The following COX10 variants were observed in gnomAD, a reference collection of about 807,000 sequenced individuals.
The protein encoded by COX10 is protoheme IX farnesyltransferase, mitochondrial.
In COX10, 27 loss-of-function variants were observed where a neutral mutation model predicts 37.3. The ratio of observed to expected loss-of-function variants is 0.72; its 90% confidence interval spans 0.53 to 1.00. The LOEUF is 1.00. Among genes scored for constraint, COX10 ranks in the 50% least tolerant of loss-of-function variants. COX10 has a pLI of 0.00. For synonymous variants in COX10, 222 were observed against 229.1 expected, an observed-to-expected ratio of 0.97 and a Z score of 0.28; for missense variants, 475 against 563.2, an observed-to-expected ratio of 0.84 and a Z score of 1.59.
At chr17:14,125,699 T>C (rs1019758488) in intron 4 of COX10, among the ~76,000 whole-genome samples, 1 of 152,156 alleles carries the variant, frequency 6.6e-6, no homozygotes, top group African/African-American at 2.4e-5. Context: ...GGCATCCAAT[T>C]CACTTTCGGT....
chr17:14,104,610 C>T lies in COX10; in HGVS notation c.624+2368C>T, dbSNP rs187228038. 4.6e-4 allele frequency among the ~76,000 whole-genome samples: 70 copies of T among 151,840 alleles called. No individual in the cohort carries two copies. In the East Asian group the frequency reaches 6.6e-3, roughly 14 times the overall value. ...ATGGGAGGAAAACTTTCCTTCTGTT[C>T]GTATTTATAAAAAGATTCAAATTTT... is the stretch of plus-strand genomic sequence containing the variant. On this transcript the variant is annotated intron_variant, in intron 4 of 6. Transcript: ENST00000261643.
At chr17:14,125,324 C>T (rs1319564478) in intron 4 of COX10, among the ~76,000 whole-genome samples, 2 of 152,156 alleles carry the variant, frequency 1.3e-5, no homozygotes, top group African/African-American at 4.8e-5. Context: ...CTACAACTCT[C>T]TAAAATGGAA....
chr17:14,132,491 C>T (rs1352010168), intron 4 of COX10, among the ~76,000 whole-genome samples: 2 of 151,688 alleles, frequency 1.3e-5, no homozygotes, highest in African/African-American at 4.8e-5. Flanking sequence ...AGCCCTTTAC[C>T]GAATGGTGGT....
At chr17:14,182,591 C>G (rs572659901) in intron 5 of COX10, among the ~76,000 whole-genome samples, 108 of 152,236 alleles carry the variant, frequency 7.1e-4, no homozygotes, top group African/African-American at 2.4e-3. Flanking sequence ...TCTGTAGAGG[C>G]TTTCTCCAGA....
intron 5 of COX10, chr17:14,177,155 A>C: frequency 1.5e-6 from 1 of 653,310 alleles, no homozygotes; most frequent in Non-Finnish European, 2.7e-6. Context: ...GGTGTCTCTC[A>C]CACTGCTGGG....
chr17:14,103,100 G>GTTT (rs201828390), intron 4 of COX10, among the ~76,000 whole-genome samples: 1 of 151,632 alleles, frequency 6.6e-6, no homozygotes, highest in Non-Finnish European at 1.5e-5. Context: ...TTTCAAATAA[G>GTTT]TTTTTTTGTT....
Position 14,183,229 on chromosome 17 carries a change from A to C in COX10, c.696-8760A>C, listed in dbSNP as rs539083416. On this transcript the variant is annotated intron_variant, in intron 5 of 6. Coordinates refer to ENST00000261643, the MANE Select transcript of COX10 (RefSeq NM_001303.4). ...GTTTTGTATATGAGTTTTGAAATAA[A>C]TCATCATTCAACCCTCAGCATGAAC... 3.3e-5 allele frequency among the ~76,000 whole-genome samples: 5 copies of C among 151,558 alleles called. No individual in the cohort carries two copies. In the East Asian group the frequency reaches 9.7e-4, roughly 29 times the overall value.
At chr17:14,141,446 A>T (rs779515389) in intron 4 of COX10, among the ~76,000 whole-genome samples, 22 of 148,414 alleles carry the variant, frequency 1.5e-4, no homozygotes, top group Non-Finnish European at 3.0e-4. Flanking sequence ...GTAGGATGGC[A>T]TAGAGTCCAG....
intron 6 of COX10, among the ~76,000 whole-genome samples, chr17:14,199,200 A>G (rs1191027842): frequency 3.9e-5 from 6 of 152,188 alleles, no homozygotes; most frequent in African/African-American, 1.4e-4. Context: ...TGTTGACCAT[A>G]ATTGATCACA....
intron 5 of COX10, among the ~76,000 whole-genome samples, chr17:14,189,775 G>A (rs1906146457): frequency 6.6e-6 from 1 of 152,194 alleles, no homozygotes; most frequent in African/African-American, 2.4e-5. Context: ...CAGTTGGTGA[G>A]GGATACAGTT....
intron 4 of COX10, among the ~76,000 whole-genome samples, chr17:14,114,212 G>A (rs1473033834): frequency 6.6e-6 from 1 of 151,984 alleles, no homozygotes; most frequent in African/African-American, 2.4e-5. Context: ...CATTAAGTAT[G>A]GTACTCTAGA....
chr17:14,089,845 A>G (rs1327267657), intron 3 of COX10, among the ~76,000 whole-genome samples: 1 of 152,110 alleles, frequency 6.6e-6, no homozygotes, highest in Non-Finnish European at 1.5e-5. Flanking sequence ...TGGTCCCCAT[A>G]GCATACTTTG....
intron 5 of COX10, among the ~76,000 whole-genome samples, chr17:14,188,268 A>G (rs995736774): frequency 4.0e-5 from 6 of 150,644 alleles, no homozygotes; most frequent in South Asian, 2.1e-4. Flanking sequence ...AAGAAGAACA[A>G]CATTATAATA....
At chr17:14,148,322 T>C (rs1368423387) in intron 4 of COX10, among the ~76,000 whole-genome samples, 2 of 152,190 alleles carry the variant, frequency 1.3e-5, no homozygotes, top group Non-Finnish European at 2.9e-5. Context: ...AGAGAATTGG[T>C]AACCAGAGAG....
chr17:14,079,143 A>G (rs567560510), intron 3 of COX10, among the ~76,000 whole-genome samples: 2 of 152,378 alleles, frequency 1.3e-5, no homozygotes, highest in East Asian at 3.9e-4. Context: ...ACATCTATAA[A>G]GTAGGAATAA....
At chr17:14,124,689 A>G (rs541124830) in intron 4 of COX10, among the ~76,000 whole-genome samples, 2 of 152,306 alleles carry the variant, frequency 1.3e-5, no homozygotes, top group Admixed American at 1.3e-4. Context: ...TCCGGTGCAG[A>G]TACCTCTGTG....
chr17:14,188,417 A>G (rs922218530), intron 5 of COX10, among the ~76,000 whole-genome samples: 1 of 151,870 alleles, frequency 6.6e-6, no homozygotes, highest in Non-Finnish European at 1.5e-5. Flanking sequence ...TCCAGGTCAT[A>G]TGATGTATGA....
chr17:14,106,460 A>G (rs757347773), intron 4 of COX10, among the ~76,000 whole-genome samples: 2 of 152,232 alleles, frequency 1.3e-5, no homozygotes, highest in African/African-American at 2.4e-5. Flanking sequence ...ATCTTTGCAT[A>G]TATCCTTATT....
At chr17:14,187,144 A>G (rs542374829) in intron 5 of COX10, among the ~76,000 whole-genome samples, 104 of 151,980 alleles carry the variant, frequency 6.8e-4, no homozygotes, top group South Asian at 2.5e-3. Flanking sequence ...AACTTGTGCA[A>G]ACTCTCTGGA....
Sources: gnomAD v4.1 joint callset for allele counts (sites outside exome capture counted in the v4.1 genomes callset) on GRCh38, gnomAD v4.1.1 for gene constraint, MANE v1.5 for transcripts, NCBI Gene and HGNC (gene_info 2026-07-23, HGNC 2026-07-21) for gene names.